Variants in SLC22A16 observed in about 807,000 individuals in gnomAD.
The protein encoded by SLC22A16 is WUGSC:RG331P03.1.
A neutral mutation model predicts 52.9 loss-of-function variants in SLC22A16; 53 were observed. That is an observed-to-expected ratio of 1.00 (90% confidence interval 0.80 to 1.26). The LOEUF is 1.26. Among genes scored for constraint, SLC22A16 ranks in the 50% most tolerant of loss-of-function variants. The pLI, the probability that SLC22A16 is intolerant of heterozygous loss-of-function variation, is 0.00. For missense variants in SLC22A16, 726 were observed against 704.0 expected (o/e 1.03, Z -0.35); for synonymous variants, 291 against 268.8 (o/e 1.08, Z -0.81).
rs1776302142 is a variant in SLC22A16, at chr6:110,472,735, A to C, written c.53+3787T>G. On this transcript the variant is annotated intron_variant, in intron 1 of 7. Coordinates refer to ENST00000368919, the MANE Select transcript of SLC22A16 (RefSeq NM_033125.4). ...TGGCCCTCAGAGGTGTCATGCATGT[A>C]CCCAACCTAGGGGTCCACCAGGACA... 2.0e-5 allele frequency among the ~76,000 whole-genome samples: 3 copies of C among 152,122 alleles called. No individual in the cohort carries two copies. In the South Asian group the frequency reaches 6.2e-4, roughly 32 times the overall value.
chr6:110,446,868 C>T lies in SLC22A16; in HGVS notation c.651+5G>A. ...AGAATTAAAGAAGTAAAAAACACAACTCACCATGGCAAGAAAAAAGCGAGC... is the reference window on the plus strand; with the variant it reads ...AGAATTAAAGAAGTAAAAAACACAATTCACCATGGCAAGAAAAAAGCGAGC... On this transcript the variant is annotated splice_donor_5th_base_variant and intron_variant, in intron 3 of 7. Transcript: ENST00000368919. 1 of 1,605,080 alleles carries T rather than the reference C, an allele frequency of 6.2e-7. No homozygotes were observed. Among genetic ancestry groups the T allele is most frequent in the Non-Finnish European group, 8.5e-7 (1 of 1,176,906 alleles).
intron 2 of SLC22A16, among the ~76,000 whole-genome samples, chr6:110,449,495 C>T (rs1047416815): frequency 6.6e-6 from 1 of 152,072 alleles, no homozygotes; most frequent in Non-Finnish European, 1.5e-5. Flanking sequence ...ACTTTGAACA[C>T]ATCTTCACTT....
intron 1 of SLC22A16, among the ~76,000 whole-genome samples, chr6:110,475,406 T>C (rs1268020741): frequency 1.3e-5 from 2 of 152,164 alleles, no homozygotes; most frequent in Non-Finnish European, 2.9e-5. Context: ...GGAAGTAACA[T>C]GTACCAACGG....
At chr6:110,444,677 C>CTAGCAGGAGG (rs1562285850) in intron 3 of SLC22A16, among the ~76,000 whole-genome samples, 1 of 152,184 alleles carries the variant, frequency 6.6e-6, no homozygotes, top group East Asian at 1.9e-4. Context: ...AGGGTTGACA[C>CTAGCAGGAGG]TAGCAGGAGG....
At position 110,456,439 on chromosome 6, in the gene SLC22A16, A is replaced by G. The variant is rs1420680440; in HGVS notation, c.533+99T>C. On this transcript the variant is annotated intron_variant, in intron 2 of 7. Coordinates refer to ENST00000368919, the MANE Select transcript of SLC22A16 (RefSeq NM_033125.4). ...GGTAGGTATTTAGATAGGAAGTATA[A>G]AAATGACAAGTTTTAAACATAATTC... 5 of 1,437,262 alleles carry G rather than the reference A, an allele frequency of 3.5e-6. No homozygotes were observed. The African/African-American group carries it at 7.1e-5, about 20-fold the overall frequency. The allele number at this position is 1,437,262 out of a possible 1,614,324, so 89.0% of individuals were successfully genotyped here. A position where few individuals can be genotyped will look rare whatever the true frequency, so the allele number is the denominator to read the frequency against.
At chr6:110,439,310 T>C (rs1243062206) in intron 4 of SLC22A16, among the ~76,000 whole-genome samples, 3 of 152,250 alleles carry the variant, frequency 2.0e-5, no homozygotes, top group Non-Finnish European at 4.4e-5. Context: ...TTTATGTCTT[T>C]GGCAAAAGTA....
chr6:110,464,077 C>CA (rs1234728541), intron 1 of SLC22A16, among the ~76,000 whole-genome samples: 1 of 151,814 alleles, frequency 6.6e-6, no homozygotes, highest in African/African-American at 2.4e-5. Context: ...AGGCAGAAAT[C>CA]AAAAAAATGT....
At position 110,458,997 on chromosome 6, in the gene SLC22A16, G is replaced by T. The variant is rs867686773; in HGVS notation, c.54-1980C>A. Among the ~76,000 whole-genome samples the T allele has an allele frequency of 3.3e-5, 5 of 152,044 alleles. No homozygotes were observed. The South Asian group carries it at 6.2e-4, about 19-fold the overall frequency. ...TATAATAAGTCTCATATATGTGTGTGTGTGTATGTGTGTGTGTGTGTGTAT... is the reference window on the plus strand; with the variant it reads ...TATAATAAGTCTCATATATGTGTGTTTGTGTATGTGTGTGTGTGTGTGTAT... On this transcript the variant is annotated intron_variant, in intron 1 of 7. Coordinates refer to ENST00000368919, the MANE Select transcript of SLC22A16 (RefSeq NM_033125.4).
chr6:110,456,996 G>A lies in SLC22A16; in HGVS notation c.75C>T (p.Phe25=), dbSNP rs1775687677. The A allele has an allele frequency of 6.5e-7, 1 of 1,543,544 alleles. No individual in the cohort carries two copies. Among genetic ancestry groups the A allele is most frequent in the Non-Finnish European group, 8.7e-7 (1 of 1,147,562 alleles). The part of the protein sequence containing the change: ...HFGRFQRVLY[F]ICAFQNISCG... Reference sequence around the variant, plus strand: ...AAGAGATGTTCTGGAAGGCACATATGAAATAGAGGACTCTCTGGAATCTGC... The same window carrying A: ...AAGAGATGTTCTGGAAGGCACATATAAAATAGAGGACTCTCTGGAATCTGC... Residue 25 remains phenylalanine, a synonymous_variant, in exon 2 of 8, where the codon TTC becomes TTT. Transcript: ENST00000368919.
chr6:110,440,078 A>T (rs1036968705), intron 4 of SLC22A16: 1 of 152,246 alleles, frequency 6.6e-6, no homozygotes, highest in East Asian at 1.9e-4. Context: ...AGATCTGATC[A>T]GCACAGGAAT....
rs566658493 is a variant in SLC22A16 at position 110,431,117 on chromosome 6, A to G, written c.1521+54T>C. 8 of 1,414,600 alleles carry G rather than the reference A, an allele frequency of 5.7e-6. No homozygotes were observed. In the East Asian group the frequency reaches 1.8e-4, roughly 32 times the overall value. 87.6% of individuals were successfully genotyped at this position (1,414,600 alleles called of 1,614,324 possible). On this transcript the variant is annotated intron_variant, in intron 7 of 7. Coordinates refer to ENST00000368919, the MANE Select transcript of SLC22A16 (RefSeq NM_033125.4). ...AACAATAGAGAAGTTGCTAATAGGC[A>G]ATTAGAAACTGCCTCCGTGCCCCCT...
At chr6:110,476,441 G>T (rs1776482811) in intron 1 of SLC22A16, 81 bp downstream of exon 1, 1 of 1,424,022 alleles carries the variant, frequency 7.0e-7, no homozygotes, top group Admixed American at 2.8e-5. Context: ...CGAGCGCCGC[G>T]CGAGAACCCC....
chr6:110,440,106 T>C (rs1774904967), intron 4 of SLC22A16: 1 of 152,220 alleles, frequency 6.6e-6, no homozygotes, highest in African/African-American at 2.4e-5. Context: ...TGCTCCATTT[T>C]CGACCAGGGC....
chr6:110,471,376 G>A (rs553870292), intron 1 of SLC22A16, among the ~76,000 whole-genome samples: 2 of 152,148 alleles, frequency 1.3e-5, no homozygotes, highest in Non-Finnish European at 2.9e-5. Flanking sequence ...ATCACCTAAC[G>A]ATGAACTTCT....
Position 110,456,615 on chromosome 6 carries a change from C to T in SLC22A16, c.456G>A (p.Trp152Ter), listed in dbSNP as rs762847490. 4 of 1,614,040 alleles carry T rather than the reference C, an allele frequency of 2.5e-6. No homozygotes were observed. Among genetic ancestry groups the T allele is most frequent in the Non-Finnish European group, 1.7e-6 (2 of 1,180,034 alleles). ...ATAGGGGCTGGATCAGCATTGCAAG[C>T]CATTTTCGGTCACAGACCAGGTTCC... ...TQWNLVCDRK[W>*]LAMLIQPLFM... The change falls in exon 2 of 8, where the codon TGG (tryptophan) becomes TGA (stop). Residue 152 changes from tryptophan to a stop codon, truncating the protein, a stop_gained. Coordinates refer to ENST00000368919, the MANE Select transcript of SLC22A16 (RefSeq NM_033125.4). LOFTEE classifies it high-confidence loss of function.
chr6:110,451,595 C>A (rs1775382990), intron 2 of SLC22A16, among the ~76,000 whole-genome samples: 1 of 152,164 alleles, frequency 6.6e-6, no homozygotes, highest in Non-Finnish European at 1.5e-5. Context: ...ATCTTTTTCC[C>A]ATTTTTCTAT....
intron 1 of SLC22A16, 146 bp downstream of exon 1, chr6:110,476,372 CTGGA>C (rs1776478898): frequency 1.5e-6 from 2 of 1,365,630 alleles, no homozygotes; most frequent in Non-Finnish European, 1.9e-6. Flanking sequence ...GGGCCGGCGT[CTGGA>C]CGCCCGTGTC....
intron 2 of SLC22A16, among the ~76,000 whole-genome samples, chr6:110,452,871 AT>A (rs1775438998): frequency 1.3e-5 from 2 of 152,152 alleles, no homozygotes; most frequent in Admixed American, 6.5e-5. Flanking sequence ...TTGTCCTCTA[AT>A]ACGTTAATGT....
chr6:110,467,777 AT>A (rs1411217121), intron 1 of SLC22A16, among the ~76,000 whole-genome samples: 3 of 152,194 alleles, frequency 2.0e-5, no homozygotes, highest in Non-Finnish European at 4.4e-5. Flanking sequence ...AAATTAACTT[AT>A]TATGTATATT....
Sources: gnomAD v4.1 joint callset for allele counts (sites outside exome capture counted in the v4.1 genomes callset) on GRCh38, gnomAD v4.1.1 for gene constraint, MANE v1.5 for transcripts, NCBI Gene and HGNC (gene_info 2026-07-23, HGNC 2026-07-21) for gene names.